The following KDM6A variants were observed in gnomAD, a reference collection of about 807,000 sequenced individuals.
KDM6A encodes lysine-specific demethylase 6A.
A neutral mutation model predicts 117.6 loss-of-function variants in KDM6A; 11 were observed. The ratio of observed to expected loss-of-function variants is 0.09; its 90% CI spans 0.06 to 0.15. The LOEUF is 0.15. Ranked by LOEUF, KDM6A falls within the 10% of genes least tolerant of loss-of-function variation. The pLI is 1.00. For synonymous variants in KDM6A, 384 were observed against 396.1 expected (o/e 0.97, Z 0.36); for missense variants, 799 against 1,077.3 (o/e 0.74, Z 3.62).
chrX:45,054,040 T>TGTTAA, intron 10 of KDM6A, 85 bp downstream of exon 10: 1 of 924,379 alleles, frequency 1.1e-6, no homozygotes, highest in Non-Finnish European at 1.6e-6. Context: ...AGTTTACATA[T>TGTTAA]GTAACCTGAT....
At chrX:45,024,689 T>C (rs1602615849) in intron 6 of KDM6A, among the ~76,000 whole-genome samples, 1 of 112,047 alleles carries the variant, frequency 8.9e-6, no homozygotes. Flanking sequence ...CATTTGCTTT[T>C]GGATTCTTGG....
At chrX:44,994,186 A>G (rs771706855) in intron 4 of KDM6A, among the ~76,000 whole-genome samples, 2 of 112,322 alleles carry the variant, frequency 1.8e-5, no homozygotes, top group South Asian at 7.4e-4. Flanking sequence ...ATTGATCACT[A>G]GAATTTATTC....
intron 10 of KDM6A, among the ~76,000 whole-genome samples, chrX:45,057,154 C>T (rs1347433028): frequency 9.0e-6 from 1 of 111,295 alleles, no homozygotes; most frequent in Admixed American, 9.6e-5. Context: ...GGATGAATTC[C>T]AAATCTAGAT....
At chrX:44,947,854 CTCT>C (rs747860685) in intron 2 of KDM6A, among the ~76,000 whole-genome samples, 49 of 111,828 alleles carry the variant, frequency 4.4e-4, no homozygotes, top group East Asian at 2.2e-3. Context: ...TCTTATTTGA[CTCT>C]TCTTCTTAGG....
chrX:45,009,082 T>A (rs1400433767), intron 4 of KDM6A, among the ~76,000 whole-genome samples: 1 of 112,291 alleles, frequency 8.9e-6, no homozygotes, highest in Non-Finnish European at 1.9e-5. Context: ...AAAGGGGTCC[T>A]GATCCAAACC....
At chrX:44,964,596 C>T (rs2038912487) in intron 3 of KDM6A, among the ~76,000 whole-genome samples, 1 of 111,416 alleles carries the variant, frequency 9.0e-6, no homozygotes, top group South Asian at 3.8e-4. Context: ...GGTGCATTGT[C>T]GGTGAGCAAT....
intron 2 of KDM6A, among the ~76,000 whole-genome samples, chrX:44,953,816 A>G (rs1261652675): frequency 8.9e-6 from 1 of 111,761 alleles, no homozygotes; most frequent in Non-Finnish European, 1.9e-5. Flanking sequence ...TATGCCTGTA[A>G]TCCCAGCACT....
intron 5 of KDM6A, among the ~76,000 whole-genome samples, chrX:45,011,812 G>T (rs1452124588): frequency 1.8e-5 from 2 of 110,345 alleles, no homozygotes; most frequent in Non-Finnish European, 3.8e-5. Flanking sequence ...TTGAGACAGG[G>T]TCTCACTCTG....
At chrX:44,874,059 G>T in intron 2 of KDM6A, 72 bp downstream of exon 2, 1 of 1,017,413 alleles carries the variant, frequency 9.8e-7, no homozygotes, top group Non-Finnish European at 1.4e-6. Context: ...GGGCCCCGCG[G>T]CCGGGTCTGT....
chrX:45,085,634 C>T (rs182201294), intron 24 of KDM6A, among the ~76,000 whole-genome samples: 24 of 111,922 alleles, frequency 2.1e-4, no homozygotes, highest in African/African-American at 6.2e-4. Context: ...ATTATACTGC[C>T]TATCATAGAA....
In KDM6A at chrX:45,037,376, T is replaced by C. The variant is rs183857364; in HGVS notation, c.620-279T>C. ...CTTTGTAAAACATATATTCACTTGC[T>C]ATAGATTTAATGCTAATTTTAATAA... On this transcript the variant is annotated intron_variant, in intron 7 of 29. Coordinates refer to ENST00000611820, the MANE Select transcript of KDM6A (RefSeq NM_001291415.2). 4.0e-3 allele frequency among the ~76,000 whole-genome samples: 451 copies of C among 112,553 alleles called. 4 individuals carry two copies. The highest frequency in any genetic ancestry group is 0.014 in the African/African-American group (430 of 31,059).
intron 8 of KDM6A, among the ~76,000 whole-genome samples, chrX:45,044,221 A>G (rs2043426284): frequency 8.9e-6 from 1 of 111,979 alleles, no homozygotes; most frequent in Non-Finnish European, 1.9e-5. Flanking sequence ...TTGAACATTT[A>G]TATTGATGAA....
intron 8 of KDM6A, among the ~76,000 whole-genome samples, chrX:45,043,242 A>ATC (rs2147861565): frequency 9.0e-6 from 1 of 111,244 alleles, no homozygotes; most frequent in South Asian, 3.8e-4. Context: ...GGGATCTGAG[A>ATC]TCTCGCCACT....
chrX:45,018,265 A>G (rs150068924), intron 5 of KDM6A, among the ~76,000 whole-genome samples: 5 of 111,589 alleles, frequency 4.5e-5, no homozygotes, highest in African/African-American at 6.5e-5. Context: ...GATTGGGTCT[A>G]TAAGGTTTTC....
intron 21 of KDM6A, among the ~76,000 whole-genome samples, chrX:45,081,996 G>T (rs763568112): frequency 9.1e-6 from 1 of 109,639 alleles, no homozygotes; most frequent in Non-Finnish European, 1.9e-5. Context: ...AGCCAGGATG[G>T]TCTTGATCTC....
intron 3 of KDM6A, among the ~76,000 whole-genome samples, chrX:44,964,397 T>C (rs1569486763): frequency 1.0e-5 from 1 of 98,502 alleles, no homozygotes; most frequent in Non-Finnish European, 2.0e-5. Context: ...TGCAGTGAGC[T>C]GAGATCGCAC....
chrX:45,045,411 C>T (rs1240761783), intron 8 of KDM6A, among the ~76,000 whole-genome samples: 1 of 108,850 alleles, frequency 9.2e-6, no homozygotes, highest in Non-Finnish European at 1.9e-5. Flanking sequence ...CATGGTGAAA[C>T]CCCGCTTTTA....
chrX:45,075,921 G>A (rs905391567), intron 18 of KDM6A, among the ~76,000 whole-genome samples: 2 of 111,234 alleles, frequency 1.8e-5, no homozygotes, highest in African/African-American at 6.5e-5. Flanking sequence ...GGGTAAGTTA[G>A]TTAAACTGGA....
At chrX:45,035,643 G>A (rs1186353925) in intron 7 of KDM6A, among the ~76,000 whole-genome samples, 3 of 110,329 alleles carry the variant, frequency 2.7e-5, no homozygotes, top group Non-Finnish European at 5.7e-5. Context: ...AAGAATATTC[G>A]TTGATGCTAA....
Sources: gnomAD v4.1 joint callset for allele counts (sites outside exome capture counted in the v4.1 genomes callset) on GRCh38, gnomAD v4.1.1 for gene constraint, MANE v1.5 for transcripts, NCBI Gene and HGNC (gene_info 2026-07-23, HGNC 2026-07-21) for gene names.